Variants in CDH8 observed in about 807,000 individuals in gnomAD.
The protein encoded by CDH8 is cadherin-8.
In CDH8, 17 loss-of-function variants were observed where a neutral mutation model predicts 68.1. That is an observed-to-expected ratio of 0.25 (90% CI 0.17 to 0.37). The LOEUF (loss-of-function observed/expected upper bound fraction) is 0.37. Ranked by LOEUF, CDH8 falls within the 10% of genes least tolerant of loss-of-function variation. The pLI is 1.00. For missense variants in CDH8, 763 were observed against 999.3 expected (o/e 0.76, Z 3.19); for synonymous variants, 372 against 365.1 (o/e 1.02, Z -0.21).
At chr16:61,843,747 C>T (rs2143009184) in intron 4 of CDH8, among the ~76,000 whole-genome samples, 1 of 152,188 alleles carries the variant, frequency 6.6e-6, no homozygotes, top group African/African-American at 2.4e-5. Flanking sequence ...GGTATATACC[C>T]AGTAATGGGA....
At chr16:62,008,335 G>A (rs1901720805) in intron 2 of CDH8, among the ~76,000 whole-genome samples, 1 of 152,176 alleles carries the variant, frequency 6.6e-6, no homozygotes, top group Non-Finnish European at 1.5e-5. Context: ...TCTGTGGTTT[G>A]TGTCCTTTGA....
chr16:61,690,669 T>G (rs1019266130), intron 10 of CDH8, among the ~76,000 whole-genome samples: 1 of 152,002 alleles, frequency 6.6e-6, no homozygotes, highest in Non-Finnish European at 1.5e-5. Flanking sequence ...TTTATTTTCT[T>G]TTTCCTGTGC....
At chr16:61,844,815 T>C (rs541712061) in intron 4 of CDH8, among the ~76,000 whole-genome samples, 47 of 152,306 alleles carry the variant, frequency 3.1e-4, no homozygotes, top group African/African-American at 1.1e-3. Context: ...ACACGACCTG[T>C]GGCACATCAA....
intron 1 of CDH8, among the ~76,000 whole-genome samples, chr16:62,025,055 T>C (rs1025518936): frequency 6.6e-6 from 1 of 152,142 alleles, no homozygotes; most frequent in African/African-American, 2.4e-5. Flanking sequence ...TACAGAGTGA[T>C]GGGTAAGCCA....
At chr16:61,823,111 T>G (rs1962251947) in intron 5 of CDH8, among the ~76,000 whole-genome samples, 1 of 151,852 alleles carries the variant, frequency 6.6e-6, no homozygotes, top group South Asian at 2.1e-4. Context: ...TAATTTTGTT[T>G]AAAAAGGTTG....
In CDH8 at chr16:61,777,749, G is replaced by A. The variant is rs1960936437; in HGVS notation, c.1414+11597C>T. On this transcript the variant is annotated intron_variant, in intron 8 of 11. Coordinates refer to ENST00000577390, the MANE Select transcript of CDH8 (RefSeq NM_001796.5). ...GGTAGCCAGAGAGTCACAAGGATTA[G>A]AATAAAACTGACATGGGCTATGCGC... is the stretch of plus-strand genomic sequence containing the variant. 2.0e-5 allele frequency among the ~76,000 whole-genome samples: 3 copies of A among 152,060 alleles called. No individual in the cohort carries two copies. In the South Asian group the frequency reaches 6.2e-4, roughly 32 times the overall value.
chr16:61,922,294 C>A (rs1964382505), intron 2 of CDH8, among the ~76,000 whole-genome samples: 1 of 152,058 alleles, frequency 6.6e-6, no homozygotes, highest in Non-Finnish European at 1.5e-5. Context: ...ATTTTCCATG[C>A]AAATTTTGTG....
chr16:62,029,464 A>G (rs2150620907), intron 1 of CDH8, among the ~76,000 whole-genome samples: 1 of 152,326 alleles, frequency 6.6e-6, no homozygotes, highest in African/African-American at 2.4e-5. Flanking sequence ...CACAACTAAC[A>G]TACAATTAAA....
intron 2 of CDH8, among the ~76,000 whole-genome samples, chr16:61,998,612 A>G (rs911532877): frequency 1.3e-5 from 2 of 152,152 alleles, no homozygotes; most frequent in African/African-American, 4.8e-5. Flanking sequence ...CTCACCTTGT[A>G]ATTAAACAAG....
chr16:61,744,801 TAATG>T (rs531445413), intron 8 of CDH8, among the ~76,000 whole-genome samples: 1 of 151,514 alleles, frequency 6.6e-6, no homozygotes, highest in African/African-American at 2.4e-5. Context: ...ATTATATCTA[TAATG>T]AAAGAATATT....
intron 8 of CDH8, among the ~76,000 whole-genome samples, chr16:61,733,606 A>G (rs1054157858): frequency 6.6e-6 from 1 of 152,068 alleles, no homozygotes; most frequent in Non-Finnish European, 1.5e-5. Context: ...ATATAATCAT[A>G]AAATCGTTCC....
chr16:61,947,277 T>A (rs11075446), intron 2 of CDH8, among the ~76,000 whole-genome samples: 1 of 152,210 alleles, frequency 6.6e-6, no homozygotes, highest in African/African-American at 2.4e-5. Context: ...CAATAAAATA[T>A]TTTTATATGA....
chr16:61,652,797 G>A lies in CDH8; in HGVS notation c.*811C>T. The A allele has an allele frequency of 7.4e-7, 1 of 1,358,278 alleles. No homozygotes were observed. Among genetic ancestry groups the A allele is most frequent in the Non-Finnish European group, 9.5e-7 (1 of 1,052,418 alleles). 84.1% of individuals were successfully genotyped at this position (1,358,278 alleles called of 1,614,324 possible). On this transcript the variant is annotated 3_prime_UTR_variant, in exon 12 of 12. Coordinates refer to ENST00000577390, the MANE Select transcript of CDH8 (RefSeq NM_001796.5). ...ATTAAACAAATAAATTCACGCGCTA[G>A]CAATAAAACCATCTGTCTCTTATGT...
chr16:61,817,381 G>A lies in CDH8; in HGVS notation c.1277+98C>T. ...AACATTATTTGGTCATGTGAGCATAGTCCCAAGGAGAGCCCCACAGAAGGT... is the reference window on the plus strand; with the variant it reads ...AACATTATTTGGTCATGTGAGCATAATCCCAAGGAGAGCCCCACAGAAGGT... On this transcript the variant is annotated intron_variant, in intron 7 of 11. Coordinates refer to ENST00000577390, the MANE Select transcript of CDH8 (RefSeq NM_001796.5). The A allele has an allele frequency of 3.4e-6, 4 of 1,181,066 alleles. No individual in the cohort carries two copies. In the South Asian group the frequency reaches 5.1e-5, roughly 15 times the overall value. The allele number at this position is 1,181,066 out of a possible 1,614,324, so 73.2% of individuals were successfully genotyped here. A position where few individuals can be genotyped will look rare whatever the true frequency, so the allele number is the denominator to read the frequency against.
intron 2 of CDH8, among the ~76,000 whole-genome samples, chr16:61,945,631 G>A (rs1964789949): frequency 1.3e-5 from 2 of 152,164 alleles, no homozygotes; most frequent in South Asian, 4.1e-4. Flanking sequence ...AGACGGTTGA[G>A]GAGTGCTAAC....
At chr16:61,978,999 T>A (rs1165058575) in intron 2 of CDH8, among the ~76,000 whole-genome samples, 1 of 149,138 alleles carries the variant, frequency 6.7e-6, no homozygotes, top group Non-Finnish European at 1.5e-5. Context: ...TTCTAACCCA[T>A]CCAAAGCTGC....
intron 1 of CDH8, among the ~76,000 whole-genome samples, chr16:62,027,448 A>G (rs955983082): frequency 1.6e-4 from 25 of 152,352 alleles, no homozygotes; most frequent in African/African-American, 6.0e-4. Context: ...AGGCTTTTAC[A>G]GACACTTCAG....
intron 2 of CDH8, among the ~76,000 whole-genome samples, chr16:61,934,525 T>C (rs1372676497): frequency 6.6e-6 from 1 of 152,202 alleles, no homozygotes; most frequent in East Asian, 1.9e-4. Flanking sequence ...CCACTTAACC[T>C]TAAATAATTT....
intron 2 of CDH8, among the ~76,000 whole-genome samples, chr16:61,937,165 TAGTG>T (rs1964640575): frequency 6.6e-6 from 1 of 152,202 alleles, no homozygotes; most frequent in Admixed American, 6.6e-5. Context: ...CAAGTGTAGT[TAGTG>T]AGTCTTCTCT....
Sources: allele counts gnomAD v4.1 joint callset (sites outside exome capture counted in the v4.1 genomes callset), GRCh38; gene constraint gnomAD v4.1.1; transcripts MANE v1.5; gene names NCBI Gene and HGNC (gene_info 2026-07-23, HGNC 2026-07-21).